The following L3MBTL4 variants were observed in gnomAD, a reference collection of about 807,000 sequenced individuals.
The protein encoded by L3MBTL4 is L3MBTL histone methyl-lysine binding protein 4.
Under a neutral mutation model 84.5 loss-of-function variants are expected in L3MBTL4, and 70 were observed. That is an observed-to-expected ratio of 0.83 (90% CI 0.68 to 1.01). L3MBTL4 has a LOEUF of 1.01. L3MBTL4 is among the 50% of genes least tolerant of loss of function. The probability of loss-of-function intolerance (pLI) is 0.00; values close to 1 mark genes in which losing one functional copy is unlikely to be tolerated. For missense variants in L3MBTL4, 715 were observed against 754.8 expected, an observed-to-expected ratio of 0.95 and a Z score of 0.62; for synonymous variants, 274 against 259.8, an observed-to-expected ratio of 1.05 and a Z score of -0.52.
intron 1 of L3MBTL4, among the ~76,000 whole-genome samples, chr18:6,344,903 G>T (rs2052799856): frequency 6.6e-6 from 1 of 151,890 alleles, no homozygotes; most frequent in African/African-American, 2.4e-5. Context: ...AAGCCCACAG[G>T]TAACATCATT....
chr18:6,379,484 A>G (rs1172885019), intron 1 of L3MBTL4, among the ~76,000 whole-genome samples: 1 of 152,168 alleles, frequency 6.6e-6, no homozygotes, highest in Non-Finnish European at 1.5e-5. Flanking sequence ...ATTTTGATAT[A>G]TGTTCCATCG....
intron 1 of L3MBTL4, among the ~76,000 whole-genome samples, chr18:6,312,809 C>G (rs2050901597): frequency 6.6e-6 from 1 of 152,116 alleles, no homozygotes; most frequent in Non-Finnish European, 1.5e-5. Context: ...CTCCTATTAA[C>G]TCTGATCATT....
intron 16 of L3MBTL4, among the ~76,000 whole-genome samples, chr18:6,022,042 C>T (rs1302300380): frequency 6.6e-6 from 1 of 152,190 alleles, no homozygotes; most frequent in Admixed American, 6.5e-5. Flanking sequence ...CTTCTGTACC[C>T]TGGGCCAATT....
intron 16 of L3MBTL4, among the ~76,000 whole-genome samples, chr18:6,013,335 C>A (rs2054821423): frequency 6.6e-6 from 1 of 152,254 alleles, no homozygotes; most frequent in Non-Finnish European, 1.5e-5. Flanking sequence ...CCTGCATTGT[C>A]TTGCTCTTCC....
intron 1 of L3MBTL4, among the ~76,000 whole-genome samples, chr18:6,322,115 G>A (rs963105410): frequency 3.9e-5 from 6 of 152,042 alleles, no homozygotes; most frequent in Non-Finnish European, 7.4e-5. Flanking sequence ...CTAGAACTTT[G>A]GGAGGCACAG....
chr18:6,163,259 T>TGTGG (rs2043434837), intron 13 of L3MBTL4, among the ~76,000 whole-genome samples: 1 of 57,338 alleles, frequency 1.7e-5, no homozygotes, highest in African/African-American at 6.0e-5. Context: ...TGTGTGTGTG[T>TGTGG]GGGGGGGGGG....
At chr18:6,129,823 GAA>G (rs1371418127) in intron 14 of L3MBTL4, among the ~76,000 whole-genome samples, 1 of 152,140 alleles carries the variant, frequency 6.6e-6, no homozygotes, top group Admixed American at 6.5e-5. Context: ...GTAGAGTTTT[GAA>G]AAGTGCTTTT....
At chr18:6,077,236 T>C (rs2057885660) in intron 16 of L3MBTL4, among the ~76,000 whole-genome samples, 1 of 152,212 alleles carries the variant, frequency 6.6e-6, no homozygotes, top group South Asian at 2.1e-4. Context: ...TCAATAAGCT[T>C]ACCTGTAAAC....
chr18:6,054,885 G>A (rs147140851), intron 16 of L3MBTL4, among the ~76,000 whole-genome samples: 11 of 152,274 alleles, frequency 7.2e-5, no homozygotes, highest in African/African-American at 1.4e-4. Context: ...ACTGGGCTTC[G>A]GGCTCTTTTT....
intron 9 of L3MBTL4, 90 bp downstream of exon 9, chr18:6,239,628 A>C: frequency 7.7e-7 from 1 of 1,306,650 alleles, no homozygotes; most frequent in Non-Finnish European, 1.1e-6. Context: ...CTATTAGAAG[A>C]GCAAAAACAG....
At chr18:5,975,693 ACAAAAGT>A (rs1292061951) in intron 16 of L3MBTL4, among the ~76,000 whole-genome samples, 1 of 152,198 alleles carries the variant, frequency 6.6e-6, no homozygotes, top group Non-Finnish European at 1.5e-5. Flanking sequence ...TATCCACAAA[ACAAAAGT>A]AAAAAGCAGA....
chr18:6,014,068 C>A (rs1017151871), intron 16 of L3MBTL4, among the ~76,000 whole-genome samples: 1 of 152,062 alleles, frequency 6.6e-6, no homozygotes, highest in Non-Finnish European at 1.5e-5. Flanking sequence ...TGGCCAGAGA[C>A]TTCATTACTC....
At chr18:6,160,737 A>C (rs919759580) in intron 13 of L3MBTL4, among the ~76,000 whole-genome samples, 1 of 151,680 alleles carries the variant, frequency 6.6e-6, no homozygotes, top group African/African-American at 2.4e-5. Flanking sequence ...GTCTCAAAAA[A>C]AAAAAAAAAA....
chr18:6,249,815 T>C (rs1308086462), intron 5 of L3MBTL4, among the ~76,000 whole-genome samples: 5 of 152,228 alleles, frequency 3.3e-5, no homozygotes, highest in Non-Finnish European at 1.5e-5. Flanking sequence ...AATAGGCCCA[T>C]TAAATTCAGT....
Position 6,067,393 on chromosome 18 carries a change from G to A in L3MBTL4, c.1444+13488C>T, listed in dbSNP as rs147744118. Among the ~76,000 whole-genome samples the A allele has an allele frequency of 3.7e-3, 569 of 152,240 alleles. 3 individuals are homozygous for A. The highest frequency in any genetic ancestry group is 0.013 in the African/African-American group (554 of 41,546). On this transcript the variant is annotated intron_variant, in intron 16 of 18. Transcript: ENST00000317931. ...CCTCAATTATTCCCTCAAATAAGTTGTCTAAACATTTAGACTTCTCTTTTC... is the reference window on the plus strand; with the variant it reads ...CCTCAATTATTCCCTCAAATAAGTTATCTAAACATTTAGACTTCTCTTTTC...
At chr18:6,280,795 A>G (rs2049288428) in intron 4 of L3MBTL4, among the ~76,000 whole-genome samples, 1 of 152,190 alleles carries the variant, frequency 6.6e-6, no homozygotes, top group Non-Finnish European at 1.5e-5. Flanking sequence ...CCACAACAGG[A>G]GCACAAGAGA....
rs187915629 is a variant in L3MBTL4 at position 6,215,028 on chromosome 18, A to G, written c.870+722T>C. Among the ~76,000 whole-genome samples the G allele has an allele frequency of 6.6e-5, 10 of 152,290 alleles. No homozygotes were observed. In the East Asian group the frequency reaches 1.5e-3, roughly 23 times the overall value. On this transcript the variant is annotated intron_variant, in intron 11 of 18. Coordinates refer to ENST00000317931, the MANE Select transcript of L3MBTL4 (RefSeq NM_001330559.2). The stretch of plus-strand genomic sequence containing the variant: ...AATCAATTTTTTCAAAAAATGAAAT[A>G]TCATTTTGTTTCAAGCCGCTCTTGA...
rs567266407 is a variant in L3MBTL4 at position 6,021,514 on chromosome 18, G to T, written c.1445-51952C>A. On this transcript the variant is annotated intron_variant, in intron 16 of 18. Transcript: ENST00000317931. ...CACAATCTGTTGGAAGCACCGCGGC[G>T]TGCCATCCTGTTCCCCTTTGTAACC... 1.1e-4 allele frequency among the ~76,000 whole-genome samples: 16 copies of T among 152,268 alleles called. No homozygotes were observed. In the South Asian group the frequency reaches 3.1e-3, roughly 30 times the overall value.
chr18:6,088,260 A>G (rs1355866830), intron 15 of L3MBTL4, among the ~76,000 whole-genome samples: 1 of 152,220 alleles, frequency 6.6e-6, no homozygotes, highest in Non-Finnish European at 1.5e-5. Flanking sequence ...TAGCAAGGAT[A>G]GGACTGGCCT....
Sources: allele counts gnomAD v4.1 joint callset (sites outside exome capture counted in the v4.1 genomes callset), GRCh38; gene constraint gnomAD v4.1.1; transcripts MANE v1.5; gene names NCBI Gene and HGNC (gene_info 2026-07-23, HGNC 2026-07-21).